The following SLC22A15 variants were observed in gnomAD, a reference collection of about 807,000 sequenced individuals.
The protein encoded by SLC22A15 is solute carrier family 22 member 15.
SLC22A15 carries 45 observed loss-of-function variants against 62.7 expected under a neutral mutation model. That is an observed-to-expected ratio of 0.72 (90% CI 0.56 to 0.92). The LOEUF (loss-of-function observed/expected upper bound fraction) is 0.92, where lower values mean the gene tolerates loss of function less well. SLC22A15 is among the 40% of genes least tolerant of loss of function. The pLI is 0.00. For synonymous variants in SLC22A15, 264 were observed against 267.0 expected (o/e 0.99, Z 0.11); for missense variants, 622 against 665.6 (o/e 0.93, Z 0.72).
At chr1:116,002,609 C>A (rs1655798142) in intron 2 of SLC22A15, among the ~76,000 whole-genome samples, 1 of 151,338 alleles carries the variant, frequency 6.6e-6, no homozygotes, top group South Asian at 2.1e-4. Context: ...GCAGAAGGAG[C>A]CTTTGCCCAT....
chr1:116,020,188 T>G (rs902800693), intron 3 of SLC22A15, among the ~76,000 whole-genome samples: 20 of 151,008 alleles, frequency 1.3e-4, no homozygotes, highest in Admixed American at 5.9e-4. Context: ...TTGACAGAAA[T>G]CATGTAATAA....
chr1:116,015,065 A>C (rs1656458673), intron 2 of SLC22A15: 1 of 152,324 alleles, frequency 6.6e-6, no homozygotes, highest in Middle Eastern at 3.4e-3. Flanking sequence ...TATATCAACA[A>C]TACTTGAAAA....
intron 8 of SLC22A15, among the ~76,000 whole-genome samples, chr1:116,060,160 C>T (rs2488446): frequency 0.89 from 135,539 of 152,232 alleles, 61,289 homozygotes; most frequent in East Asian, 1. Flanking sequence ...AGCCCAGCAG[C>T]CCCACAGGCA....
rs770418846 is a variant in SLC22A15, at chr1:116,020,774, G to A, written c.487G>A (p.Glu163Lys). The A allele has an allele frequency of 6.2e-7, 1 of 1,613,700 alleles. No homozygotes were observed. The change falls in exon 4 of 12, where the codon GAG becomes AAG. Residue 163 changes from glutamate to lysine, a missense_variant. Coordinates refer to ENST00000369503, the MANE Select transcript of SLC22A15 (RefSeq NM_018420.3). ...TGCAAATGGATTTTCCCCCTCATAT[G>A]AGTTCTTTGCAGTAACTCGCTTCCT... ...AIANGFSPSY[E>K]FFAVTRFLVG... is the part of the protein sequence containing the mutation.
Position 116,062,846 on chromosome 1 carries a change from A to T in SLC22A15, c.1256A>T (p.Tyr419Phe), listed in dbSNP as rs749758585. ...LTISAAFNIVYIYTSELYPTV... is the reference protein window; with the variant it reads ...LTISAAFNIVFIYTSELYPTV... ...ATCAGTGCTGCCTTTAACATTGTTT[A>T]TATCTACACCTCTGAGCTTTACCCT... Residue 419 changes from tyrosine (Y) to phenylalanine (F), a missense_variant, in exon 9 of 12, where the codon TAT becomes TTT. Transcript: ENST00000369503. 5.0e-6 allele frequency: 8 copies of T among 1,613,710 alleles called. No homozygotes were observed. The East Asian group carries it at 1.8e-4, about 36-fold the overall frequency.
intron 1 of SLC22A15, among the ~76,000 whole-genome samples, chr1:115,990,115 G>A (rs932598420): frequency 6.6e-6 from 1 of 152,230 alleles, no homozygotes; most frequent in African/African-American, 2.4e-5. Flanking sequence ...GAGGACTTCT[G>A]GAGGGCTTGG....
intron 1 of SLC22A15, among the ~76,000 whole-genome samples, chr1:115,986,009 T>A (rs984845820): frequency 1.4e-4 from 21 of 152,122 alleles, no homozygotes; most frequent in East Asian, 5.8e-4. Context: ...GAATTTTTTT[T>A]AAATTTATTT....
Position 116,067,798 on chromosome 1 carries a change from G to A in SLC22A15, c.*690G>A, listed in dbSNP as rs1472108001. The A allele has an allele frequency of 1.3e-5, 2 of 152,224 alleles. No individual in the cohort carries two copies. Among genetic ancestry groups the A allele is most frequent in the African/African-American group, 4.8e-5 (2 of 41,432 alleles). The allele number at this position is 152,224 out of a possible 1,614,324, so 9.4% of individuals were successfully genotyped here. ...AAGCGGTTTACTCAGAGTCAGGGGT[G>A]TAGCTCTGGCTGCCTGTCAGCTCCC... is the stretch of plus-strand genomic sequence containing the variant. On this transcript the variant is annotated 3_prime_UTR_variant, in exon 12 of 12. Coordinates refer to ENST00000369503, the MANE Select transcript of SLC22A15 (RefSeq NM_018420.3).
chr1:116,034,222 C>T (rs1657548655), intron 6 of SLC22A15, among the ~76,000 whole-genome samples: 2 of 152,170 alleles, frequency 1.3e-5, no homozygotes, highest in Non-Finnish European at 2.9e-5. Flanking sequence ...TTGTGGTTTA[C>T]CAAACATATT....
chr1:116,062,926 T>C lies in SLC22A15; in HGVS notation c.1292+44T>C, dbSNP rs540857822. The C allele has an allele frequency of 6.2e-6, 10 of 1,604,036 alleles. No homozygotes were observed. The South Asian group carries it at 6.6e-5, about 11-fold the overall frequency. ...CTCATTCTTCACACATTCTACACTT[T>C]GTCATCCATTCTTGCACCAACAGAG... On this transcript the variant is annotated intron_variant, in intron 9 of 11. Coordinates refer to ENST00000369503, the MANE Select transcript of SLC22A15 (RefSeq NM_018420.3).
At chr1:116,031,749 C>T (rs1047695167) in intron 6 of SLC22A15, 168 bp downstream of exon 6, 46 of 1,434,682 alleles carry the variant, frequency 3.2e-5, no homozygotes, top group Middle Eastern at 2.6e-4. Context: ...TTTCTGCTTG[C>T]GCAGCCCCGT....
At chr1:116,034,767 T>C (rs1657571411) in intron 6 of SLC22A15, among the ~76,000 whole-genome samples, 1 of 152,206 alleles carries the variant, frequency 6.6e-6, no homozygotes, top group African/African-American at 2.4e-5. Context: ...TCTGTTGGCT[T>C]TCTCCATGGG....
chr1:115,986,406 A>G (rs928915110), intron 1 of SLC22A15, among the ~76,000 whole-genome samples: 18 of 152,170 alleles, frequency 1.2e-4, no homozygotes, highest in African/African-American at 4.1e-4. Flanking sequence ...ACTATTATCT[A>G]CACATTATAT....
intron 1 of SLC22A15, among the ~76,000 whole-genome samples, chr1:115,981,755 C>T (rs1389130370): frequency 6.6e-6 from 1 of 152,200 alleles, no homozygotes; most frequent in African/African-American, 2.4e-5. Flanking sequence ...CTCTGCAGCA[C>T]CCAAACCCCC....
chr1:116,000,245 T>A (rs1655653768), intron 2 of SLC22A15, among the ~76,000 whole-genome samples: 1 of 152,218 alleles, frequency 6.6e-6, no homozygotes, highest in Admixed American at 6.5e-5. Flanking sequence ...CTGAAATTTT[T>A]CGTGTATCTG....
At chr1:116,040,406 T>C (rs1050779751) in intron 8 of SLC22A15, among the ~76,000 whole-genome samples, 1 of 152,232 alleles carries the variant, frequency 6.6e-6, no homozygotes, top group Admixed American at 6.5e-5. Context: ...CTACCATTTA[T>C]TAAGTGTTAA....
At chr1:116,015,516 A>G (rs1656479988) in intron 2 of SLC22A15, among the ~76,000 whole-genome samples, 8 of 152,214 alleles carry the variant, frequency 5.3e-5, no homozygotes, top group Admixed American at 4.6e-4. Flanking sequence ...AGCCTTTTCC[A>G]TGGATCTGAG....
chr1:116,004,603 A>G, intron 2 of SLC22A15, among the ~76,000 whole-genome samples: 1 of 152,270 alleles, frequency 6.6e-6, no homozygotes, highest in Middle Eastern at 3.4e-3. Context: ...ATAAGGATTA[A>G]TGCCTCTATA....
chr1:116,024,283 C>G (rs1026248379), intron 4 of SLC22A15, among the ~76,000 whole-genome samples: 1 of 152,088 alleles, frequency 6.6e-6, no homozygotes, highest in Non-Finnish European at 1.5e-5. Context: ...CAAAATAACT[C>G]AAGGAGACTT....
Sources: gnomAD v4.1 joint callset for allele counts (sites outside exome capture counted in the v4.1 genomes callset) on GRCh38, gnomAD v4.1.1 for gene constraint, MANE v1.5 for transcripts, NCBI Gene and HGNC (gene_info 2026-07-23, HGNC 2026-07-21) for gene names.